RASA1: variants seen among roughly 807,000 people sequenced by gnomAD.
The protein encoded by RASA1 is ras GTPase-activating protein 1.
RASA1 carries 25 observed loss-of-function variants against 132.2 expected under a neutral mutation model. That is an observed-to-expected ratio of 0.19 (90% CI 0.14 to 0.26). The LOEUF (loss-of-function observed/expected upper bound fraction) is 0.26. Among genes scored for constraint, RASA1 ranks in the 10% least tolerant of loss-of-function variants. RASA1 has a pLI of 1.00. For missense variants in RASA1, 964 were observed against 1,299.2 expected (o/e 0.74, Z 3.97); for synonymous variants, 477 against 449.9 (o/e 1.06, Z -0.76).
At chr5:87,328,518 G>C (rs1468126581) in intron 1 of RASA1, among the ~76,000 whole-genome samples, 1 of 152,088 alleles carries the variant, frequency 6.6e-6, no homozygotes, top group South Asian at 2.1e-4. Flanking sequence ...GAGTATTTTA[G>C]ACAAATAACC....
At chr5:87,328,688 C>T (rs1351558743) in intron 1 of RASA1, among the ~76,000 whole-genome samples, 2 of 152,082 alleles carry the variant, frequency 1.3e-5, no homozygotes. Flanking sequence ...ATATATGATT[C>T]TCTATGCAGG....
chr5:87,306,465 T>A (rs1034790063), intron 1 of RASA1, among the ~76,000 whole-genome samples: 1 of 151,814 alleles, frequency 6.6e-6, no homozygotes, highest in Non-Finnish European at 1.5e-5. Flanking sequence ...TAATTGAGGG[T>A]GGAGGGTGGT....
At chr5:87,350,778 T>G (rs993820254) in intron 8 of RASA1, among the ~76,000 whole-genome samples, 5 of 151,666 alleles carry the variant, frequency 3.3e-5, no homozygotes, top group Non-Finnish European at 1.5e-5. Context: ...CCCAGAACTT[T>G]GATTTTTATA....
chr5:87,333,617 A>G (rs746799720), intron 4 of RASA1, among the ~76,000 whole-genome samples: 1 of 152,200 alleles, frequency 6.6e-6, no homozygotes, highest in African/African-American at 2.4e-5. Context: ...TTCAATCTAT[A>G]TGCTATGTAA....
intron 1 of RASA1, among the ~76,000 whole-genome samples, chr5:87,314,815 C>G (rs962311717): frequency 1.3e-5 from 2 of 151,976 alleles, no homozygotes; most frequent in Admixed American, 6.6e-5. Flanking sequence ...GGTGGAAATG[C>G]AATTCTGTCT....
chr5:87,351,004 G>A (rs771943743), intron 8 of RASA1, among the ~76,000 whole-genome samples: 10 of 151,482 alleles, frequency 6.6e-5, no homozygotes, highest in Admixed American at 2.0e-4. Context: ...ATTGTTTATT[G>A]TTAGATCTAA....
At chr5:87,369,300 C>T (rs1250640379) in intron 11 of RASA1, among the ~76,000 whole-genome samples, 1 of 152,088 alleles carries the variant, frequency 6.6e-6, no homozygotes, top group Non-Finnish European at 1.5e-5. Flanking sequence ...ATTTGTTGTA[C>T]ACAACTGTTC....
intron 1 of RASA1, among the ~76,000 whole-genome samples, chr5:87,323,025 C>T (rs149400683): frequency 6.6e-6 from 1 of 152,014 alleles, no homozygotes; most frequent in African/African-American, 2.4e-5. Context: ...TTAAGCCTGG[C>T]GTTTAGGAAG....
chr5:87,364,336 G>A (rs1333990449), intron 11 of RASA1, among the ~76,000 whole-genome samples: 1 of 152,062 alleles, frequency 6.6e-6, no homozygotes, highest in Non-Finnish European at 1.5e-5. Context: ...GATCACATTA[G>A]TGTTACTTGT....
chr5:87,281,192 G>A (rs781440991), intron 1 of RASA1, among the ~76,000 whole-genome samples: 11 of 151,482 alleles, frequency 7.3e-5, no homozygotes, highest in Middle Eastern at 3.4e-3. Flanking sequence ...CCATTTTATA[G>A]TCCCAGCAGC....
chr5:87,273,531 G>A (rs1012808965), intron 1 of RASA1, among the ~76,000 whole-genome samples: 3 of 151,984 alleles, frequency 2.0e-5, no homozygotes, highest in South Asian at 2.1e-4. Context: ...TATTGTTTGT[G>A]TAGTGCACCA....
At chr5:87,349,183 T>G (rs1259201343) in intron 7 of RASA1, 31 bp from the exon 8 acceptor site, 1 of 1,608,340 alleles carries the variant, frequency 6.2e-7, no homozygotes, top group Non-Finnish European at 8.5e-7. Context: ...ATTTGATAAT[T>G]AGGGAAAAAC....
intron 20 of RASA1, among the ~76,000 whole-genome samples, chr5:87,381,991 G>T (rs913519510): frequency 1.3e-5 from 2 of 152,132 alleles, no homozygotes; most frequent in East Asian, 1.9e-4. Context: ...TTGCTCTGTT[G>T]CCCATGCTGG....
At chr5:87,371,010 C>G (rs1227252375) in intron 12 of RASA1, among the ~76,000 whole-genome samples, 1 of 151,972 alleles carries the variant, frequency 6.6e-6, no homozygotes, top group Non-Finnish European at 1.5e-5. Flanking sequence ...AGGTAGTGCT[C>G]AAAACATTTT....
intron 4 of RASA1, among the ~76,000 whole-genome samples, chr5:87,335,419 G>GT (rs34986349): frequency 0.085 from 6,167 of 72,812 alleles, 244 homozygotes; most frequent in African/African-American, 0.11. Context: ...AAAGAATGAG[G>GT]TTTTTTTTTT....
chr5:87,286,695 C>T (rs1260620653), intron 1 of RASA1, among the ~76,000 whole-genome samples: 1 of 151,510 alleles, frequency 6.6e-6, no homozygotes, highest in Non-Finnish European at 1.5e-5. Flanking sequence ...TCTTAAAATC[C>T]TTTTGTGGAT....
chr5:87,354,312 T>C (rs999964092), intron 9 of RASA1, among the ~76,000 whole-genome samples: 1 of 152,158 alleles, frequency 6.6e-6, no homozygotes, highest in Non-Finnish European at 1.5e-5. Flanking sequence ...AGGACGTCTA[T>C]TGCGACTGTT....
At chr5:87,328,769 T>TA (rs963443564) in intron 1 of RASA1, among the ~76,000 whole-genome samples, 3 of 152,148 alleles carry the variant, frequency 2.0e-5, no homozygotes, top group African/African-American at 7.2e-5. Flanking sequence ...GATTGTGGGT[T>TA]AAAAAATGGT....
chr5:87,312,930 A>G (rs368976370), intron 1 of RASA1, among the ~76,000 whole-genome samples: 2 of 152,240 alleles, frequency 1.3e-5, no homozygotes, highest in South Asian at 2.1e-4. Flanking sequence ...TTATCAGGGA[A>G]TGATCAACTA....
Sources: allele counts gnomAD v4.1 joint callset (sites outside exome capture counted in the v4.1 genomes callset), GRCh38; gene constraint gnomAD v4.1.1; transcripts MANE v1.5; gene names NCBI Gene and HGNC (gene_info 2026-07-23, HGNC 2026-07-21).